PALM2AKAP2: variants seen among roughly 807,000 people sequenced by gnomAD.
PALM2AKAP2 encodes PALM2 and AKAP2 fusion, also known as PALM2-AKAP2 fusion protein.
In PALM2AKAP2, 37 loss-of-function variants were observed where a neutral mutation model predicts 71.5. That is an observed-to-expected ratio of 0.52 (90% CI 0.40 to 0.68). The LOEUF (loss-of-function observed/expected upper bound fraction) is 0.68. Ranked by LOEUF, PALM2AKAP2 falls within the 30% of genes least tolerant of loss-of-function variation. The probability of loss-of-function intolerance (pLI) is 0.00; values close to 1 mark genes in which losing one functional copy is unlikely to be tolerated. For missense variants in PALM2AKAP2, 1,224 were observed against 1,191.8 expected (o/e 1.03, Z -0.40); for synonymous variants, 468 against 478.8 (o/e 0.98, Z 0.29).
chr9:109,657,266 C>A (rs927735788), intron 1 of PALM2AKAP2, among the ~76,000 whole-genome samples: 1 of 152,222 alleles, frequency 6.6e-6, no homozygotes, highest in Non-Finnish European at 1.5e-5. Flanking sequence ...CTTCAGGCAC[C>A]AGCCTGATGG....
At chr9:109,978,125 A>G (rs1185367942) in intron 6 of PALM2AKAP2, among the ~76,000 whole-genome samples, 1 of 152,002 alleles carries the variant, frequency 6.6e-6, no homozygotes, top group East Asian at 1.9e-4. Flanking sequence ...GGGTGAGTGG[A>G]AGGAGGGATG....
chr9:109,966,540 T>A (rs1361492464), intron 6 of PALM2AKAP2, among the ~76,000 whole-genome samples: 2 of 152,212 alleles, frequency 1.3e-5, no homozygotes, highest in African/African-American at 4.8e-5. Flanking sequence ...AAGTAGTGCC[T>A]CTCTCACAAG....
chr9:109,650,438 A>T (rs1420136020), intron 1 of PALM2AKAP2, among the ~76,000 whole-genome samples: 1 of 151,970 alleles, frequency 6.6e-6, no homozygotes. Flanking sequence ...TTTTTTAGAG[A>T]TGAAGACTTG....
chr9:109,833,239 C>G (rs939363514), intron 1 of PALM2AKAP2, among the ~76,000 whole-genome samples: 1 of 152,224 alleles, frequency 6.6e-6, no homozygotes, highest in Admixed American at 6.5e-5. Context: ...CCTGTAATCT[C>G]AGCTACTCAG....
At chr9:109,792,973 C>G (rs1192355636) in intron 1 of PALM2AKAP2, among the ~76,000 whole-genome samples, 1 of 152,160 alleles carries the variant, frequency 6.6e-6, no homozygotes, top group African/African-American at 2.4e-5. Context: ...AAGTTCAAAA[C>G]CTACTTTCTC....
At chr9:110,021,637 G>A (rs1325539312) in intron 7 of PALM2AKAP2, among the ~76,000 whole-genome samples, 1 of 151,390 alleles carries the variant, frequency 6.6e-6, no homozygotes, top group Non-Finnish European at 1.5e-5. Context: ...ACTTTTTTCA[G>A]CCTATATTTA....
At chr9:109,909,008 G>A (rs989258347) in intron 3 of PALM2AKAP2, among the ~76,000 whole-genome samples, 2 of 152,174 alleles carry the variant, frequency 1.3e-5, no homozygotes, top group Non-Finnish European at 2.9e-5. Flanking sequence ...CTCAGAGAGC[G>A]TCACAGGGCA....
intron 3 of PALM2AKAP2, among the ~76,000 whole-genome samples, chr9:109,897,760 A>T (rs964611782): frequency 6.6e-6 from 1 of 152,226 alleles, no homozygotes; most frequent in Non-Finnish European, 1.5e-5. Flanking sequence ...CACTTCATTC[A>T]ATATGAAAAG....
At chr9:110,170,138 T>C (rs934340829) in exon 4 of PALM2AKAP2, 7 of 152,464 alleles carry the variant, frequency 4.6e-5, no homozygotes, top group African/African-American at 1.4e-4. Flanking sequence ...TAAAGCAATA[T>C]GATAAGGGTA....
chr9:109,879,645 G>A (rs192209718), intron 2 of PALM2AKAP2, among the ~76,000 whole-genome samples: 359 of 151,428 alleles, frequency 2.4e-3, no homozygotes, highest in African/African-American at 8.0e-3. Flanking sequence ...TGAAACAAAA[G>A]CTTTTTATTC....
At chr9:109,685,732 T>G (rs1372573682) in intron 1 of PALM2AKAP2, among the ~76,000 whole-genome samples, 1 of 152,262 alleles carries the variant, frequency 6.6e-6, no homozygotes, top group Admixed American at 6.5e-5. Context: ...CTGATCAGGA[T>G]GGTGGTTGCC....
At chr9:109,875,146 G>A (rs936671043) in intron 2 of PALM2AKAP2, among the ~76,000 whole-genome samples, 1 of 152,128 alleles carries the variant, frequency 6.6e-6, no homozygotes, top group African/African-American at 2.4e-5. Flanking sequence ...AGCCACTCGG[G>A]CATTTGTTCC....
At chr9:109,847,598 G>C (rs1260056611) in intron 1 of PALM2AKAP2, 1 of 152,302 alleles carries the variant, frequency 6.6e-6, no homozygotes, top group Non-Finnish European at 1.5e-5. Flanking sequence ...AAAAGTAGCT[G>C]GCCGTGGTGG....
intron 1 of PALM2AKAP2, among the ~76,000 whole-genome samples, chr9:109,728,654 A>G (rs1418259903): frequency 6.6e-6 from 1 of 152,184 alleles, no homozygotes. Flanking sequence ...GTTTTATTTA[A>G]TGTTACCAGT....
chr9:109,870,454 T>G (rs532954614), intron 2 of PALM2AKAP2, among the ~76,000 whole-genome samples: 1 of 152,232 alleles, frequency 6.6e-6, no homozygotes, highest in Non-Finnish European at 1.5e-5. Context: ...AGTTTTCTCC[T>G]GGTAGCCTGT....
intron 1 of PALM2AKAP2, among the ~76,000 whole-genome samples, chr9:110,068,970 C>T (rs530954539): frequency 6.6e-6 from 1 of 152,292 alleles, no homozygotes; most frequent in East Asian, 1.9e-4. Context: ...AGAAATGAAA[C>T]CCTAGTGTAG....
chr9:109,983,082 A>G (rs1832306178), intron 6 of PALM2AKAP2, among the ~76,000 whole-genome samples: 1 of 152,144 alleles, frequency 6.6e-6, no homozygotes, highest in African/African-American at 2.4e-5. Context: ...AGTTTCCCCT[A>G]AAACCCCTTA....
At chr9:109,794,020 A>G (rs1289414454) in intron 1 of PALM2AKAP2, among the ~76,000 whole-genome samples, 7 of 152,230 alleles carry the variant, frequency 4.6e-5, no homozygotes, top group Non-Finnish European at 7.3e-5. Context: ...TACATGGCGT[A>G]TTTCAATGGC....
chr9:110,106,900 C>G (rs1266697107), intron 1 of PALM2AKAP2, among the ~76,000 whole-genome samples: 1 of 152,196 alleles, frequency 6.6e-6, no homozygotes, highest in African/African-American at 2.4e-5. Flanking sequence ...AAAGAGGTCT[C>G]CCTCTCTCCA....
Sources: gnomAD v4.1 joint callset for allele counts (sites outside exome capture counted in the v4.1 genomes callset) on GRCh38, gnomAD v4.1.1 for gene constraint, MANE v1.5 for transcripts, NCBI Gene and HGNC (gene_info 2026-07-23, HGNC 2026-07-21) for gene names.